The following CDH12 variants were observed in gnomAD, a reference collection of about 807,000 sequenced individuals.
The protein encoded by CDH12 is cadherin-12.
CDH12 carries 41 observed loss-of-function variants against 74.1 expected under a neutral mutation model. The observed-to-expected ratio is 0.55, with a 90% confidence interval of 0.43 to 0.72. The LOEUF (loss-of-function observed/expected upper bound fraction) is 0.72. Ranked by LOEUF, CDH12 falls within the 30% of genes least tolerant of loss-of-function variation. The pLI is 0.00. For synonymous variants in CDH12, 399 were observed against 355.0 expected (o/e 1.12, Z -1.39); for missense variants, 945 against 977.2 (o/e 0.97, Z 0.44).
intron 3 of CDH12, among the ~76,000 whole-genome samples, chr5:22,374,941 G>A (rs1297587335): frequency 6.6e-6 from 1 of 150,952 alleles, no homozygotes; most frequent in Non-Finnish European, 1.5e-5. Context: ...ATTTTTCACA[G>A]AATTAAAAAA....
chr5:22,554,395 T>G (rs774403027), intron 1 of CDH12, among the ~76,000 whole-genome samples: 1 of 152,120 alleles, frequency 6.6e-6, no homozygotes, highest in African/African-American at 2.4e-5. Context: ...AGGGAGGCTA[T>G]GAATGGGTAG....
intron 6 of CDH12, among the ~76,000 whole-genome samples, chr5:21,935,352 A>T (rs930074926): frequency 1.3e-5 from 2 of 152,202 alleles, no homozygotes; most frequent in African/African-American, 4.8e-5. Context: ...CTAAACTTTC[A>T]CAACATTAAG....
chr5:22,110,479 G>C (rs143295650), intron 4 of CDH12, among the ~76,000 whole-genome samples: 35 of 151,854 alleles, frequency 2.3e-4, no homozygotes, highest in African/African-American at 8.0e-4. Context: ...GGGAAGGGGT[G>C]GGGGTGGCTA....
chr5:22,481,940 T>C (rs1746400305), intron 2 of CDH12, among the ~76,000 whole-genome samples: 1 of 152,162 alleles, frequency 6.6e-6, no homozygotes, highest in Non-Finnish European at 1.5e-5. Context: ...AAGTTATTTG[T>C]AAAATTATAT....
At chr5:21,848,303 G>A (rs7725383) in intron 7 of CDH12, among the ~76,000 whole-genome samples, 96,095 of 151,840 alleles carry the variant, frequency 0.63, 34,671 homozygotes, top group East Asian at 0.79. Flanking sequence ...AAGATTTGGA[G>A]GAAACATTAA....
intron 6 of CDH12, among the ~76,000 whole-genome samples, chr5:21,945,374 C>A (rs1352600877): frequency 8.2e-6 from 1 of 122,130 alleles, no homozygotes; most frequent in East Asian, 2.7e-4. Context: ...TACAGTGAGC[C>A]AAGATCATAC....
chr5:22,171,659 C>A (rs1004973397), intron 4 of CDH12, among the ~76,000 whole-genome samples: 6 of 151,938 alleles, frequency 3.9e-5, no homozygotes, highest in African/African-American at 1.4e-4. Flanking sequence ...AACATAAATG[C>A]CTTGGCTGAG....
At chr5:21,960,754 T>C (rs1425717368) in intron 6 of CDH12, among the ~76,000 whole-genome samples, 1 of 151,874 alleles carries the variant, frequency 6.6e-6, no homozygotes, top group African/African-American at 2.4e-5. Context: ...TGTAGGTATG[T>C]CTGTAATAGG....
At chr5:22,065,054 T>C (rs1741462959) in intron 5 of CDH12, among the ~76,000 whole-genome samples, 1 of 152,174 alleles carries the variant, frequency 6.6e-6, no homozygotes, top group South Asian at 2.1e-4. Flanking sequence ...TAAGTCTTCT[T>C]AACTCCATCT....
chr5:21,859,302 C>T (rs1026374018), intron 6 of CDH12, among the ~76,000 whole-genome samples: 2 of 151,858 alleles, frequency 1.3e-5, no homozygotes, highest in African/African-American at 4.8e-5. Context: ...AAGAAAGGCA[C>T]CTTCTTCACA....
chr5:22,644,539 A>T (rs1739334617), intron 1 of CDH12, among the ~76,000 whole-genome samples: 1 of 152,046 alleles, frequency 6.6e-6, no homozygotes, highest in Non-Finnish European at 1.5e-5. Flanking sequence ...TTAAAAAATG[A>T]AGCTAGCACA....
chr5:22,045,832 T>C (rs1739912162), intron 5 of CDH12, among the ~76,000 whole-genome samples: 1 of 152,124 alleles, frequency 6.6e-6, no homozygotes, highest in South Asian at 2.1e-4. Flanking sequence ...GTTTAACAGT[T>C]ACAAATTTAC....
intron 1 of CDH12, among the ~76,000 whole-genome samples, chr5:22,714,269 A>T (rs550675100): frequency 1.9e-4 from 29 of 152,330 alleles, no homozygotes; most frequent in African/African-American, 6.5e-4. Flanking sequence ...GTCTGAACTT[A>T]ACCTTTTTTC....
intron 5 of CDH12, among the ~76,000 whole-genome samples, chr5:22,045,588 G>GTA (rs1397620387): frequency 7.4e-6 from 1 of 135,684 alleles, no homozygotes; most frequent in Non-Finnish European, 1.5e-5. Context: ...TACAAAAATG[G>GTA]TACACTATTC....
At chr5:22,728,189 T>C (rs566926246) in intron 1 of CDH12, among the ~76,000 whole-genome samples, 1 of 152,016 alleles carries the variant, frequency 6.6e-6, no homozygotes, top group Admixed American at 6.6e-5. Context: ...AAGCTATTGA[T>C]TGAATTCTTA....
chr5:21,945,256 C>T (rs1343308171), intron 6 of CDH12, among the ~76,000 whole-genome samples: 1 of 151,514 alleles, frequency 6.6e-6, no homozygotes, highest in Non-Finnish European at 1.5e-5. Context: ...GAAACCCCGC[C>T]TCTACTAAAA....
intron 13 of CDH12, among the ~76,000 whole-genome samples, chr5:21,756,255 T>C (rs572911814): frequency 6.6e-6 from 1 of 152,204 alleles, no homozygotes; most frequent in East Asian, 1.9e-4. Context: ...TAAAACCAAT[T>C]GACTATTTTA....
At chr5:22,751,669 C>T (rs202056234) in intron 1 of CDH12, among the ~76,000 whole-genome samples, 4 of 151,992 alleles carry the variant, frequency 2.6e-5, no homozygotes, top group East Asian at 1.9e-4. Flanking sequence ...ATGTAGCTGC[C>T]GCAAAACTGT....
chr5:22,383,111 G>A (rs1741842584), intron 3 of CDH12, among the ~76,000 whole-genome samples: 1 of 152,130 alleles, frequency 6.6e-6, no homozygotes, highest in Admixed American at 6.5e-5. Context: ...GATTACAGGC[G>A]TGAGCCACTG....
Sources: allele counts gnomAD v4.1 joint callset (sites outside exome capture counted in the v4.1 genomes callset), GRCh38; gene constraint gnomAD v4.1.1; transcripts MANE v1.5; gene names NCBI Gene and HGNC (gene_info 2026-07-23, HGNC 2026-07-21).